The following CYP19A1 variants were observed in gnomAD, a reference collection of about 807,000 sequenced individuals.
The protein encoded by CYP19A1 is aromatase.
A neutral mutation model predicts 44.4 loss-of-function variants in CYP19A1; 32 were observed. The ratio of observed to expected loss-of-function variants is 0.72; its 90% CI spans 0.54 to 0.97. The LOEUF is 0.97. CYP19A1 is among the 50% of genes least tolerant of loss of function. CYP19A1 has a pLI of 0.00. For missense variants in CYP19A1, 598 were observed against 637.8 expected (o/e 0.94, Z 0.67); for synonymous variants, 212 against 215.6 (o/e 0.98, Z 0.14).
At chr15:51,325,315 G>C (rs747746680) in intron 1 of CYP19A1, among the ~76,000 whole-genome samples, 8 of 152,150 alleles carry the variant, frequency 5.3e-5, no homozygotes, top group Non-Finnish European at 1.2e-4. Context: ...GGGTGTAGGA[G>C]TGGTGAGGAC....
chr15:51,210,737 G>C lies in CYP19A1; in HGVS notation c.*71C>G, dbSNP rs981313439. ...TGTTCACTGTGAGGATGACACTATT[G>C]GCAAGGATGGATGATTTGTATGTGA... On this transcript the variant is annotated 3_prime_UTR_variant, in exon 10 of 10. Transcript: ENST00000396402. The C allele has an allele frequency of 2.0e-6, 2 of 1,002,172 alleles. No individual in the cohort carries two copies. The highest frequency in any genetic ancestry group is 3.2e-6 in the Non-Finnish European group (2 of 621,054). The allele number at this position is 1,002,172 out of a possible 1,614,324, so 62.1% of individuals were successfully genotyped here. A position where few individuals can be genotyped will look rare whatever the true frequency, so the allele number is the denominator to read the frequency against.
chr15:51,220,840 C>A (rs2032007038), intron 5 of CYP19A1, among the ~76,000 whole-genome samples: 4 of 152,052 alleles, frequency 2.6e-5, no homozygotes, highest in Admixed American at 2.6e-4. Context: ...CTTCTATCTG[C>A]CTGTATTTTT....
intron 5 of CYP19A1, among the ~76,000 whole-genome samples, chr15:51,220,752 C>A (rs1166571472): frequency 2.0e-5 from 3 of 152,256 alleles, no homozygotes; most frequent in East Asian, 3.9e-4. Context: ...CAAATTTTCT[C>A]TACTAGCTAC....
chr15:51,267,445 A>G (rs1595738611), intron 1 of CYP19A1, among the ~76,000 whole-genome samples: 1 of 152,202 alleles, frequency 6.6e-6, no homozygotes, highest in Non-Finnish European at 1.5e-5. Context: ...TGGCTTGAGC[A>G]CAGGGACGCT....
chr15:51,315,312 T>A (rs553197348), intron 1 of CYP19A1, among the ~76,000 whole-genome samples: 2 of 152,180 alleles, frequency 1.3e-5, no homozygotes, highest in Admixed American at 1.3e-4. Context: ...GCCAGACCCC[T>A]CATGGTGCAT....
At chr15:51,270,037 T>C (rs889016068) in intron 1 of CYP19A1, among the ~76,000 whole-genome samples, 1 of 152,230 alleles carries the variant, frequency 6.6e-6, no homozygotes, top group Non-Finnish European at 1.5e-5. Context: ...TTACTGGCTC[T>C]ATAGATCAAT....
intron 3 of CYP19A1, among the ~76,000 whole-genome samples, chr15:51,234,183 C>T (rs1003703936): frequency 1.1e-4 from 17 of 152,134 alleles, no homozygotes; most frequent in African/African-American, 4.1e-4. Context: ...ACTTGAAGAG[C>T]AGGCAAGGAA....
intron 2 of CYP19A1, among the ~76,000 whole-genome samples, chr15:51,239,893 C>CG (rs2033643599): frequency 6.6e-6 from 1 of 152,152 alleles, no homozygotes; most frequent in Non-Finnish European, 1.5e-5. Context: ...TGTGGTACCC[C>CG]GGGCAGAGCA....
At chr15:51,296,674 G>A (rs777357867) in intron 1 of CYP19A1, among the ~76,000 whole-genome samples, 18 of 152,100 alleles carry the variant, frequency 1.2e-4, no homozygotes, top group Non-Finnish European at 2.2e-4. Flanking sequence ...CATGTTTGCC[G>A]AACATTAAAC....
intron 5 of CYP19A1, 65 bp from the exon 6 acceptor site, chr15:51,218,720 G>T (rs2031811065): frequency 6.4e-7 from 1 of 1,554,858 alleles, no homozygotes; most frequent in Non-Finnish European, 8.7e-7. Context: ...GCCTAAGAAG[G>T]TTGCTCTGAG....
intron 1 of CYP19A1, among the ~76,000 whole-genome samples, chr15:51,299,007 T>C (rs730154): frequency 0.29 from 44,737 of 152,186 alleles, 9,846 homozygotes; most frequent in African/African-American, 0.62. Flanking sequence ...GCCACCCCCA[T>C]GCTCCATGAA....
chr15:51,290,580 G>A (rs1002734220), intron 1 of CYP19A1, among the ~76,000 whole-genome samples: 1 of 152,174 alleles, frequency 6.6e-6, no homozygotes, highest in African/African-American at 2.4e-5. Context: ...AGAGGACCTG[G>A]CACTTTGTAT....
Position 51,243,394 on chromosome 15 carries a change from AAC to A in CYP19A1, c.-38-446_-38-445del, listed in dbSNP as rs560889025. On this transcript the variant is annotated intron_variant, in intron 1 of 9. Transcript: ENST00000396402. Reference sequence around the variant, plus strand: ...TTTCAAAACAAAAAGGCAATCTCCCAACTCCCCTTTTTGACCAAAATGACTTT... The same window carrying A: ...TTTCAAAACAAAAAGGCAATCTCCCATCCCCTTTTTGACCAAAATGACTTT... Among the ~76,000 whole-genome samples, 24 of 152,322 alleles carry A rather than the reference AAC, an allele frequency of 1.6e-4. No individual in the cohort carries two copies. In the East Asian group the frequency reaches 4.4e-3, roughly 28 times the overall value.
At chr15:51,327,186 A>G (rs1338511003) in intron 1 of CYP19A1, among the ~76,000 whole-genome samples, 1 of 152,220 alleles carries the variant, frequency 6.6e-6, no homozygotes, top group African/African-American at 2.4e-5. Context: ...CCTAAGGCCA[A>G]TGGGTGATCC....
intron 1 of CYP19A1, among the ~76,000 whole-genome samples, chr15:51,336,699 T>C (rs2036781272): frequency 6.6e-6 from 1 of 152,220 alleles, no homozygotes; most frequent in Non-Finnish European, 1.5e-5. Context: ...GCCCTAAAGT[T>C]AACCAGCTGG....
chr15:51,296,323 G>A (rs1323969648), intron 1 of CYP19A1, among the ~76,000 whole-genome samples: 2 of 152,088 alleles, frequency 1.3e-5, no homozygotes, highest in African/African-American at 2.4e-5. Context: ...AATGGATGTC[G>A]ATTTGACATG....
Position 51,215,866 on chromosome 15 carries a change from T to A in CYP19A1, c.744-49A>T, listed in dbSNP as rs34932856. ...TCTATTTTTACTCAGTTTAGACATCTAGCGAAACAGATTTATTTGCCATGT... is the reference window on the plus strand; with the variant it reads ...TCTATTTTTACTCAGTTTAGACATCAAGCGAAACAGATTTATTTGCCATGT... On this transcript the variant is annotated intron_variant, in intron 6 of 9. Coordinates refer to ENST00000396402, the MANE Select transcript of CYP19A1 (RefSeq NM_000103.4). 5.6e-6 allele frequency: 9 copies of A among 1,609,220 alleles called. No individual in the cohort carries two copies. The African/African-American group carries it at 1.2e-4, about 21-fold the overall frequency.
chr15:51,260,829 G>A (rs2140934946), intron 1 of CYP19A1, among the ~76,000 whole-genome samples: 1 of 152,288 alleles, frequency 6.6e-6, no homozygotes, highest in Admixed American at 6.5e-5. Context: ...TAAACCCCAG[G>A]CATTCGAGCC....
chr15:51,330,193 G>T (rs1353699521), intron 1 of CYP19A1, among the ~76,000 whole-genome samples: 1 of 152,120 alleles, frequency 6.6e-6, no homozygotes, highest in Non-Finnish European at 1.5e-5. Context: ...GTGGGGTTGT[G>T]GAGAGCCCTG....
Sources: gnomAD v4.1 joint callset for allele counts (sites outside exome capture counted in the v4.1 genomes callset) on GRCh38, gnomAD v4.1.1 for gene constraint, MANE v1.5 for transcripts, NCBI Gene and HGNC (gene_info 2026-07-23, HGNC 2026-07-21) for gene names.